FGF1: variants seen among roughly 807,000 people sequenced by gnomAD.
The protein encoded by FGF1 is beta-endothelial cell growth factor.
A neutral mutation model predicts 13.4 loss-of-function variants in FGF1; 9 were observed. That is an observed-to-expected ratio of 0.67 (90% CI 0.40 to 1.17). The LOEUF is 1.17. Among genes scored for constraint, FGF1 ranks in the 50% most tolerant of loss-of-function variants. The pLI is 0.01. For synonymous variants in FGF1, 93 were observed against 79.0 expected (o/e 1.18, Z -0.94); for missense variants, 156 against 192.7 (o/e 0.81, Z 1.13).
chr5:142,643,751 A>G (rs1765564757), intron 1 of FGF1, among the ~76,000 whole-genome samples: 1 of 151,384 alleles, frequency 6.6e-6, no homozygotes, highest in South Asian at 2.1e-4. Flanking sequence ...CTGTCAACAG[A>G]CTCTTAGTTA....
intron 1 of FGF1, among the ~76,000 whole-genome samples, chr5:142,615,464 C>T (rs1267223641): frequency 1.3e-5 from 2 of 152,146 alleles, no homozygotes; most frequent in African/African-American, 2.4e-5. Context: ...CCTCGTGATC[C>T]GCCTGCCTCG....
chr5:142,680,267 A>G (rs1196306924), intron 1 of FGF1, among the ~76,000 whole-genome samples: 1 of 152,236 alleles, frequency 6.6e-6, no homozygotes, highest in Non-Finnish European at 1.5e-5. Context: ...CATTGCCACA[A>G]CTGTCTTCGA....
intron 2 of FGF1, among the ~76,000 whole-genome samples, chr5:142,695,206 G>A (rs1597497136): frequency 6.6e-6 from 1 of 152,320 alleles, no homozygotes; most frequent in African/African-American, 2.4e-5. Flanking sequence ...AGGATTACCT[G>A]AGATGATGCC....
chr5:142,653,536 G>A (rs905129050), intron 1 of FGF1, among the ~76,000 whole-genome samples: 6 of 152,110 alleles, frequency 3.9e-5, no homozygotes, highest in Non-Finnish European at 5.9e-5. Flanking sequence ...GATACGTCAC[G>A]TGCCTTCCTG....
intron 1 of FGF1, among the ~76,000 whole-genome samples, chr5:142,652,696 A>C (rs1721392535): frequency 6.6e-6 from 1 of 152,224 alleles, no homozygotes; most frequent in Non-Finnish European, 1.5e-5. Flanking sequence ...ATCACAGCAC[A>C]GAAGCAGCCC....
At chr5:142,653,093 C>T (rs752029970) in intron 1 of FGF1, among the ~76,000 whole-genome samples, 7 of 152,102 alleles carry the variant, frequency 4.6e-5, no homozygotes, top group Non-Finnish European at 1.0e-4. Flanking sequence ...TCATGCAGAG[C>T]GTCTCCAGAA....
intron 1 of FGF1, among the ~76,000 whole-genome samples, chr5:142,627,951 G>C (rs1212629299): frequency 6.6e-6 from 1 of 152,082 alleles, no homozygotes; most frequent in African/African-American, 2.4e-5. Flanking sequence ...ACCACCGATG[G>C]CTCTCATGGT....
intron 1 of FGF1, among the ~76,000 whole-genome samples, chr5:142,643,181 A>G (rs1765466182): frequency 6.6e-6 from 1 of 152,182 alleles, no homozygotes; most frequent in Non-Finnish European, 1.5e-5. Flanking sequence ...GTTGTGATAT[A>G]ATTCTCCCTT....
At chr5:142,611,400 C>T (rs1759012408) in intron 2 of FGF1, among the ~76,000 whole-genome samples, 2 of 152,078 alleles carry the variant, frequency 1.3e-5, no homozygotes, top group Non-Finnish European at 2.9e-5. Context: ...TGAGTCTCAG[C>T]GAGACTAAAT....
chr5:142,649,724 T>G (rs1019923002), intron 1 of FGF1, among the ~76,000 whole-genome samples: 2 of 152,174 alleles, frequency 1.3e-5, no homozygotes, highest in African/African-American at 4.8e-5. Context: ...TTGTTTTTAA[T>G]TTTTCACTAT....
chr5:142,619,379 C>A (rs1013377363), intron 1 of FGF1, among the ~76,000 whole-genome samples: 2 of 152,156 alleles, frequency 1.3e-5, no homozygotes, highest in Non-Finnish European at 2.9e-5. Flanking sequence ...TCCTCAAACC[C>A]AGCATATACA....
chr5:142,676,368 GAGAT>G (rs1391239816), intron 1 of FGF1, among the ~76,000 whole-genome samples: 7 of 152,310 alleles, frequency 4.6e-5, no homozygotes, highest in African/African-American at 1.7e-4. Context: ...CCAATCCTAT[GAGAT>G]AGGAACAAGT....
chr5:142,620,583 A>G (rs1209766529), intron 1 of FGF1, among the ~76,000 whole-genome samples: 2 of 152,254 alleles, frequency 1.3e-5, no homozygotes, highest in Non-Finnish European at 2.9e-5. Flanking sequence ...ACATAGCCTC[A>G]AAATACATAA....
intron 1 of FGF1, among the ~76,000 whole-genome samples, chr5:142,667,283 C>G (rs1365618905): frequency 7.0e-6 from 1 of 142,876 alleles, no homozygotes; most frequent in Non-Finnish European, 1.5e-5. Flanking sequence ...GACTCGGTCT[C>G]AAGAAAAAAG....
chr5:142,647,784 A>T (rs974448944), intron 1 of FGF1, among the ~76,000 whole-genome samples: 5 of 152,248 alleles, frequency 3.3e-5, no homozygotes, highest in Admixed American at 6.5e-5. Flanking sequence ...GTGCTTAAAA[A>T]TTTTGGATTT....
At chr5:142,625,663 G>C (rs1202219110) in intron 1 of FGF1, among the ~76,000 whole-genome samples, 1 of 152,204 alleles carries the variant, frequency 6.6e-6, no homozygotes, top group Non-Finnish European at 1.5e-5. Flanking sequence ...CCTTCCTGCA[G>C]ACGGACACAT....
chr5:142,601,906 T>C (rs1326324589), intron 2 of FGF1, among the ~76,000 whole-genome samples: 1 of 152,156 alleles, frequency 6.6e-6, no homozygotes. Flanking sequence ...TTGAGAAAGG[T>C]GCTTTGATAA....
chr5:142,695,649 T>C (rs1221120990), intron 2 of FGF1, among the ~76,000 whole-genome samples: 1 of 150,788 alleles, frequency 6.6e-6, no homozygotes, highest in Non-Finnish European at 1.5e-5. Context: ...CCATCCATTC[T>C]CCCTAATCTA....
chr5:142,691,973 G>T (rs917225939), intron 2 of FGF1, among the ~76,000 whole-genome samples: 1 of 152,098 alleles, frequency 6.6e-6, no homozygotes, highest in Non-Finnish European at 1.5e-5. Context: ...TGACAGGAAG[G>T]CCCCAAGTTT....
Sources: allele counts gnomAD v4.1 joint callset (sites outside exome capture counted in the v4.1 genomes callset), GRCh38; gene constraint gnomAD v4.1.1; transcripts MANE v1.5; gene names NCBI Gene and HGNC (gene_info 2026-07-23, HGNC 2026-07-21).